The following CEP126 variants were observed in gnomAD, a reference collection of about 807,000 sequenced individuals.
CEP126 encodes centrosomal protein 126, also known as centrosomal protein of 126 kDa.
In CEP126, 74 loss-of-function variants were observed where a neutral mutation model predicts 107.8. The ratio of observed to expected loss-of-function variants is 0.69; its 90% CI spans 0.57 to 0.83. The LOEUF is 0.83. Among genes scored for constraint, CEP126 ranks in the 40% least tolerant of loss-of-function variants. The pLI is 0.00. For synonymous variants in CEP126, 449 were observed against 446.0 expected (o/e 1.01, Z -0.08); for missense variants, 1,237 against 1,281.9 (o/e 0.96, Z 0.53).
intron 3 of CEP126, among the ~76,000 whole-genome samples, chr11:101,947,744 A>G (rs571108518): frequency 1.3e-5 from 2 of 152,224 alleles, no homozygotes; most frequent in South Asian, 4.2e-4. Flanking sequence ...GCACTATGAG[A>G]TCAAATATAG....
chr11:101,976,550 G>A (rs1004522032), intron 6 of CEP126, among the ~76,000 whole-genome samples: 3 of 152,068 alleles, frequency 2.0e-5, no homozygotes, highest in African/African-American at 4.8e-5. Context: ...ATCATAAAGC[G>A]CATGCACACA....
chr11:101,987,288 A>T (rs1030755303), intron 9 of CEP126, among the ~76,000 whole-genome samples: 1 of 152,216 alleles, frequency 6.6e-6, no homozygotes, highest in Admixed American at 6.5e-5. Flanking sequence ...CTTCTGTTTC[A>T]GCAATGGACA....
intron 7 of CEP126, among the ~76,000 whole-genome samples, chr11:101,979,181 T>C (rs534774216): frequency 6.6e-6 from 1 of 152,108 alleles, no homozygotes; most frequent in African/African-American, 2.4e-5. Context: ...TATAGTTTCA[T>C]GTGACTGAAT....
intron 9 of CEP126, among the ~76,000 whole-genome samples, chr11:101,989,206 G>A (rs1397840453): frequency 1.3e-5 from 2 of 151,470 alleles, no homozygotes; most frequent in Non-Finnish European, 2.9e-5. Flanking sequence ...TCATGATTCT[G>A]AAGAAAAAAA....
chr11:101,945,459 C>G (rs977007008), intron 3 of CEP126, among the ~76,000 whole-genome samples: 1 of 152,106 alleles, frequency 6.6e-6, no homozygotes, highest in Admixed American at 6.5e-5. Context: ...AAATACAGTC[C>G]ACTTACAGTT....
intron 3 of CEP126, among the ~76,000 whole-genome samples, chr11:101,947,075 T>G (rs1940747046): frequency 6.6e-6 from 1 of 152,174 alleles, no homozygotes; most frequent in Admixed American, 6.5e-5. Flanking sequence ...AGAGTTCAAG[T>G]TTGAACTAAC....
At chr11:101,966,794 T>A (rs979082204) in intron 6 of CEP126, among the ~76,000 whole-genome samples, 2 of 152,124 alleles carry the variant, frequency 1.3e-5, no homozygotes, top group African/African-American at 4.8e-5. Context: ...GCTTTTATTT[T>A]AGATATAGAG....
At chr11:101,988,000 A>G (rs950996961) in intron 9 of CEP126, among the ~76,000 whole-genome samples, 2 of 152,200 alleles carry the variant, frequency 1.3e-5, no homozygotes, top group Non-Finnish European at 2.9e-5. Flanking sequence ...TCCGTAATGA[A>G]AAAAGGCACC....
intron 4 of CEP126, chr11:101,955,733 AT>A (rs770672398): frequency 4.6e-5 from 17 of 365,880 alleles, no homozygotes; most frequent in African/African-American, 6.4e-5. Context: ...ACCAAAAAAA[AT>A]AATCTTAATA....
chr11:101,930,567 G>A (rs1940482827), intron 2 of CEP126, among the ~76,000 whole-genome samples: 1 of 152,138 alleles, frequency 6.6e-6, no homozygotes, highest in African/African-American at 2.4e-5. Context: ...TCCACACCAT[G>A]GAACAGGACC....
chr11:101,944,265 A>T lies in CEP126; in HGVS notation c.249A>T (p.Lys83Asn). The stretch of plus-strand genomic sequence containing the variant: ...TGCCTACTTTGTGTTTTAAATATAG[A>T]GCTTTTGAGGAGAAACGAAAAGAAC... ...KYFVESNRRK[K>N]AFEEKRKEQE... Residue 83 changes from lysine to asparagine, a missense_variant and splice_region_variant, in exon 3 of 11, where the codon AAA (lysine) becomes AAT (asparagine). Lys to Asn is a moderately conservative substitution (Grantham distance 94). Coordinates refer to ENST00000263468, the MANE Select transcript of CEP126 (RefSeq NM_020802.4). The T allele has an allele frequency of 6.3e-7, 1 of 1,575,468 alleles. No homozygotes were observed. Among genetic ancestry groups the T allele is most frequent in the Non-Finnish European group, 8.6e-7 (1 of 1,167,794 alleles).
At chr11:101,959,781 T>C (rs1460405781) in intron 5 of CEP126, among the ~76,000 whole-genome samples, 1 of 152,178 alleles carries the variant, frequency 6.6e-6, no homozygotes, top group African/African-American at 2.4e-5. Flanking sequence ...GACTTAACAT[T>C]GCAGTCATTG....
intron 4 of CEP126, among the ~76,000 whole-genome samples, chr11:101,950,724 G>T (rs960708129): frequency 2.0e-4 from 30 of 152,212 alleles, no homozygotes; most frequent in African/African-American, 6.5e-4. Flanking sequence ...ATAGACCCCT[G>T]AGGAAATAGA....
intron 5 of CEP126, among the ~76,000 whole-genome samples, chr11:101,958,649 T>G (rs1171920927): frequency 6.6e-6 from 1 of 152,194 alleles, no homozygotes; most frequent in African/African-American, 2.4e-5. Context: ...TTAATGGAAA[T>G]ATGGCAGAAT....
Position 101,948,061 on chromosome 11 carries a change from A to G in CEP126, c.425A>G (p.Glu142Gly). Residue 142 changes from glutamate (E) to glycine (G), a missense_variant, in exon 4 of 11, where the codon GAG becomes GGG. Glu to Gly is a moderately conservative substitution (Grantham distance 98). Transcript: ENST00000263468. ...CGAAAACCAGTTCCTCCATTAGAAGAGGCCCTCAAACAAATTCAGGAATCC... is the reference window on the plus strand; with the variant it reads ...CGAAAACCAGTTCCTCCATTAGAAGGGGCCCTCAAACAAATTCAGGAATCC... The part of the protein sequence containing the change: ...VSRKPVPPLE[E>G]ALKQIQESNL... 6.2e-7 allele frequency: 1 copy of G among 1,611,558 alleles called. No homozygotes were observed. Among genetic ancestry groups the G allele is most frequent in the South Asian group, 1.1e-5 (1 of 90,722 alleles).
chr11:101,953,292 C>T (rs774833919), intron 4 of CEP126, among the ~76,000 whole-genome samples: 1 of 152,146 alleles, frequency 6.6e-6, no homozygotes, highest in Non-Finnish European at 1.5e-5. Flanking sequence ...CCATTTTTAC[C>T]ATAATCAATG....
At chr11:101,939,792 A>G (rs1940640106) in intron 2 of CEP126, among the ~76,000 whole-genome samples, 1 of 152,242 alleles carries the variant, frequency 6.6e-6, no homozygotes, top group South Asian at 2.1e-4. Flanking sequence ...GAAGGCTTAT[A>G]AACTCATTAT....
At chr11:101,922,164 A>AT (rs5794147) in intron 1 of CEP126, among the ~76,000 whole-genome samples, 52,044 of 132,034 alleles carry the variant, frequency 0.39, 10,487 homozygotes, top group East Asian at 0.5. Flanking sequence ...CCAAGTCAGA[A>AT]TTTTTTTTTT....
Position 101,922,702 on chromosome 11 carries a change from C to A in CEP126, c.190C>A (p.Gln64Lys), listed in dbSNP as rs756200112. 6.2e-7 allele frequency: 1 copy of A among 1,612,356 alleles called. No homozygotes were observed. Among genetic ancestry groups the A allele is most frequent in the Non-Finnish European group, 8.5e-7 (1 of 1,178,766 alleles). ...AGAGCGCCAGATATTACTGCAGCAA[C>A]AAAAAATATGTCGAAATCGAGCACG... ...EEERQILLQQ[Q>K]KICRNRARKY... is the part of the protein sequence containing the mutation. The change falls in exon 2 of 11, where the codon CAA becomes AAA. Residue 64 changes from glutamine (Q) to lysine (K), a missense_variant. Coordinates refer to ENST00000263468, the MANE Select transcript of CEP126 (RefSeq NM_020802.4).
Sources: gnomAD v4.1 joint callset for allele counts (sites outside exome capture counted in the v4.1 genomes callset) on GRCh38, gnomAD v4.1.1 for gene constraint, MANE v1.5 for transcripts, NCBI Gene and HGNC (gene_info 2026-07-23, HGNC 2026-07-21) for gene names.